ARMC6: variants seen among roughly 807,000 people sequenced by gnomAD.
ARMC6 encodes the protein armadillo repeat-containing protein 6.
Under a neutral mutation model 49.2 loss-of-function variants are expected in ARMC6, and 43 were observed. That is an observed-to-expected ratio of 0.87 (90% CI 0.69 to 1.13). The LOEUF (loss-of-function observed/expected upper bound fraction) is 1.13, where lower values mean the gene tolerates loss of function less well. Ranked by LOEUF, ARMC6 falls within the 50% of genes most tolerant of loss-of-function variation. The pLI is 0.00. For missense variants in ARMC6, 627 were observed against 682.0 expected, an observed-to-expected ratio of 0.92 and a Z score of 0.90; for synonymous variants, 262 against 289.6, an observed-to-expected ratio of 0.90 and a Z score of 0.97.
rs910606376 is a variant in ARMC6 at position 19,055,612 on chromosome 19, C to T, written c.1156-179C>T. Reference sequence around the variant, plus strand: ...GCAAAGATCTGACCAGGCCTATTGCCCTTGTCACCCCTAAGAGCTGAGCTG... The same window carrying T: ...GCAAAGATCTGACCAGGCCTATTGCTCTTGTCACCCCTAAGAGCTGAGCTG... On this transcript the variant is annotated intron_variant, in intron 7 of 8. Transcript: ENST00000535612. The surrounding 1 kb of genome is among the most constrained non-coding windows in gnomAD (Gnocchi z 5.7). Among the ~76,000 whole-genome samples the T allele has an allele frequency of 1.3e-5, 2 of 152,166 alleles. No individual in the cohort carries two copies. Among genetic ancestry groups the T allele is most frequent in the East Asian group, 3.9e-4 (2 of 5,192 alleles).
chr19:19,042,420 CTCACT>C, intron 2 of ARMC6, among the ~76,000 whole-genome samples: 1 of 151,508 alleles, frequency 6.6e-6, no homozygotes, highest in Non-Finnish European at 1.5e-5. Flanking sequence ...GTGATCATGG[CTCACT>C]GCAGCCTTGA....
chr19:19,037,568 C>A, intron 2 of ARMC6: 2 of 967,794 alleles, frequency 2.1e-6, no homozygotes, highest in Non-Finnish European at 2.9e-6. Flanking sequence ...AGTTTCGCCA[C>A]GTGTCCAGGC....
intron 2 of ARMC6, 22 bp downstream of exon 2, chr19:19,034,260 CAG>C (rs762395756): frequency 6.3e-6 from 10 of 1,591,582 alleles, no homozygotes; most frequent in African/African-American, 4.0e-5. Flanking sequence ...CAAATAATAA[CAG>C]AGTGATGGGA....
chr19:19,044,009 AT>A lies in ARMC6; in HGVS notation c.216del (p.Ile72MetfsTer2). 3 of 1,614,102 alleles carry A rather than the reference AT, an allele frequency of 1.9e-6. No individual in the cohort carries two copies. Among genetic ancestry groups the A allele is most frequent in the Non-Finnish European group, 2.5e-6 (3 of 1,179,974 alleles). ...CCCAACAGGGGTTGATCTGAGCAAC[AT>A]TGTAAAGACGGCACCTAAAGTCTCT... is the stretch of plus-strand genomic sequence containing the variant. ...FESQGVDLSN[I>X]VKTAPKVSAD... is the part of the protein sequence containing the mutation. On this transcript the variant is annotated frameshift_variant, in exon 4 of 9. Transcript: ENST00000535612. LOFTEE classifies it high-confidence loss of function.
At chr19:19,045,912 A>G (rs1487473207) in intron 4 of ARMC6, among the ~76,000 whole-genome samples, 1 of 152,126 alleles carries the variant, frequency 6.6e-6, no homozygotes, top group Non-Finnish European at 1.5e-5. Context: ...CGGACTCTCA[A>G]AGTGCTGGGA....
At position 19,045,490 on chromosome 19, in the gene ARMC6, A is replaced by ATTTTTTTTTTTTTTTTT. The variant is rs1355279150; in HGVS notation, c.279+1418_279+1419insTTTTTTTTTTTTTTTTT. On this transcript the variant is annotated intron_variant, in intron 4 of 8. Coordinates refer to ENST00000535612, the MANE Select transcript of ARMC6 (RefSeq NM_001199196.2). ...TCTTAAGTGCTCAGCATTATGCTAA[A>ATTTTTTTTTTTTTTTTT]TTCTTTTTTTTTTTGAGACAAGAGT... Among the ~76,000 whole-genome samples, 22 of 28,196 alleles carry ATTTTTTTTTTTTTTTTT rather than the reference A, an allele frequency of 7.8e-4. 2 individuals carry two copies. Among genetic ancestry groups the ATTTTTTTTTTTTTTTTT allele is most frequent in the African/African-American group, 1.5e-3 (11 of 7,202 alleles). The allele number at this position is 28,196 out of a possible 152,430, so 18.5% of individuals were successfully genotyped here. A position where few individuals can be genotyped will look rare whatever the true frequency, so the allele number is the denominator to read the frequency against.
In ARMC6 at chr19:19,053,657, G is replaced by A. The variant is rs952720951; in HGVS notation, c.854-495G>A. On this transcript the variant is annotated intron_variant, in intron 5 of 8. Transcript: ENST00000535612. The stretch of plus-strand genomic sequence containing the variant: ...AGCCCTGTGTAGGTGCAGGATCTTC[G>A]CCCTCTTGGCGTGAGTGCCGGCACC... Among the ~76,000 whole-genome samples the A allele has an allele frequency of 3.9e-5, 6 of 152,162 alleles. No homozygotes were observed. In the South Asian group the frequency reaches 8.3e-4, roughly 21 times the overall value.
chr19:19,042,982 G>A, intron 3 of ARMC6, 105 bp downstream of exon 3: 1 of 1,375,474 alleles, frequency 7.3e-7, no homozygotes, highest in Non-Finnish European at 9.6e-7. Flanking sequence ...GCCTGGCATA[G>A]AAACCAGGTG....
chr19:19,035,010 C>T (rs1185975650), intron 2 of ARMC6, among the ~76,000 whole-genome samples: 5 of 152,120 alleles, frequency 3.3e-5, no homozygotes, highest in African/African-American at 4.8e-5. Flanking sequence ...TACAGGCACC[C>T]GCCACCACGC....
At position 19,055,267 on chromosome 19, in the gene ARMC6, G is replaced by A; in HGVS notation, c.1026G>A (p.Glu342=). The change falls in exon 7 of 9, where the codon GAG becomes GAA. Residue 342 remains glutamate (E), a splice_region_variant and synonymous_variant. Coordinates refer to ENST00000535612, the MANE Select transcript of ARMC6 (RefSeq NM_001199196.2). This position sits in a 1 kb window ranked among gnomAD's most constrained non-coding sequence, Gnocchi z 5.7. ...GAGCGGGCCTTTCCCTTGTGCAGGAGCTCGTGAAGCAAGTGCTGAGCACCC... is the reference window on the plus strand; with the variant it reads ...GAGCGGGCCTTTCCCTTGTGCAGGAACTCGTGAAGCAAGTGCTGAGCACCC... ...HQMRDQSGVQ[E]LVKQVLSTLR... 1 of 1,596,744 alleles carries A rather than the reference G, an allele frequency of 6.3e-7. No homozygotes were observed. Among genetic ancestry groups the A allele is most frequent in the Non-Finnish European group, 8.5e-7 (1 of 1,171,386 alleles).
chr19:19,057,969 AG>A lies in ARMC6; in HGVS notation c.*343del. The A allele has an allele frequency of 2.5e-6, 1 of 404,932 alleles. No homozygotes were observed. The highest frequency in any genetic ancestry group is 4.7e-6 in the Non-Finnish European group (1 of 212,922). The allele number at this position is 404,932 out of a possible 1,614,324, so 25.1% of individuals were successfully genotyped here. On this transcript the variant is annotated 3_prime_UTR_variant, in exon 9 of 9. Transcript: ENST00000535612. ...TGAAATGTGGCAGCCACTGTGGGCC[AG>A]GCTCAGGGCAGGGCAGGCGATTCCA...
intron 2 of ARMC6, among the ~76,000 whole-genome samples, chr19:19,039,806 T>C (rs1266861469): frequency 6.6e-6 from 1 of 152,168 alleles, no homozygotes; most frequent in African/African-American, 2.4e-5. Context: ...TCCGTCTCCT[T>C]TTCTTTGTTC....
In ARMC6 at chr19:19,057,453, A is replaced by C; in HGVS notation, c.1331A>C (p.His444Pro). 6.2e-7 allele frequency: 1 copy of C among 1,613,848 alleles called. No homozygotes were observed. Among genetic ancestry groups the C allele is most frequent in the Non-Finnish European group, 8.5e-7 (1 of 1,180,004 alleles). The change falls in exon 9 of 9, where the codon CAC becomes CCC. Residue 444 changes from histidine to proline, a missense_variant. By Grantham distance (77) the His-to-Pro change is moderately conservative. Transcript: ENST00000535612. ...ATGCTGATCCGAAACCTGGTGGCCCACGGCCAGGCCTTCTCGAAGCCCATC... is the reference window on the plus strand; with the variant it reads ...ATGCTGATCCGAAACCTGGTGGCCCCCGGCCAGGCCTTCTCGAAGCCCATC... ...ACMLIRNLVAHGQAFSKPILD... is the reference protein window; with the variant it reads ...ACMLIRNLVAPGQAFSKPILD...
In ARMC6 at chr19:19,055,387, C is replaced by T. The variant is rs1221855739; in HGVS notation, c.1146C>T (p.Thr382=). Residue 382 remains threonine (T), a synonymous_variant, in exon 7 of 9, where the codon ACC becomes ACT. Transcript: ENST00000535612. The surrounding 1 kb of genome is among the most constrained non-coding windows in gnomAD (Gnocchi z 5.7). The part of the protein sequence containing the change: ...SIVAAMTQHL[T]SPQVCEQSCA... ...TGGCTGCTATGACCCAGCATCTGAC[C>T]AGCCCCCAGGTACCCACCTCGGGGG... 1.2e-6 allele frequency: 2 copies of T among 1,606,622 alleles called. No individual in the cohort carries two copies. The highest frequency in any genetic ancestry group is 1.7e-5 in the Admixed American group (1 of 58,504).
chr19:19,042,676 C>T, intron 2 of ARMC6, 35 bp from the exon 3 acceptor site: 1 of 1,607,764 alleles, frequency 6.2e-7, no homozygotes, highest in Non-Finnish European at 8.5e-7. Flanking sequence ...CCTGCTCACC[C>T]TTGAGGTAGC....
chr19:19,055,139 T>TA lies in ARMC6; in HGVS notation c.1024-125dup. 7.9e-7 allele frequency: 1 copy of TA among 1,262,872 alleles called. No individual in the cohort carries two copies. The highest frequency in any genetic ancestry group is 2.7e-5 in the East Asian group (1 of 37,332). The allele number at this position is 1,262,872 out of a possible 1,614,324, so 78.2% of individuals were successfully genotyped here. A position where few individuals can be genotyped will look rare whatever the true frequency, so the allele number is the denominator to read the frequency against. ...ACAGGCATCTGCCACCCCTTCTCGT[T>TA]AGTCACACCCTGCAGTCACACCATA... On this transcript the variant is annotated intron_variant, in intron 6 of 8. Transcript: ENST00000535612. This position sits in a 1 kb window ranked among gnomAD's most constrained non-coding sequence, Gnocchi z 5.7.
Position 19,057,826 on chromosome 19 carries a change from G to A in ARMC6, c.*198G>A, listed in dbSNP as rs1011866001. On this transcript the variant is annotated 3_prime_UTR_variant, in exon 9 of 9. Transcript: ENST00000535612. Reference sequence around the variant, plus strand: ...CTACACAGAAGAAAGCAGCCCCCATGTCCCAGCCACTTCTGGGTCCCAGCC... The same window carrying A: ...CTACACAGAAGAAAGCAGCCCCCATATCCCAGCCACTTCTGGGTCCCAGCC... 9 of 746,760 alleles carry A rather than the reference G, an allele frequency of 1.2e-5. No individual in the cohort carries two copies. In the Admixed American group the frequency reaches 1.4e-4, roughly 12 times the overall value. The allele number at this position is 746,760 out of a possible 1,614,324, so 46.3% of individuals were successfully genotyped here.
At chr19:19,037,791 C>T in intron 2 of ARMC6, 2 of 716,078 alleles carry the variant, frequency 2.8e-6, no homozygotes, top group Non-Finnish European at 1.9e-6. Flanking sequence ...TCCTTTTGTT[C>T]CAAAGGGACG....
chr19:19,046,595 T>C (rs1331637642), intron 4 of ARMC6, among the ~76,000 whole-genome samples: 1 of 151,984 alleles, frequency 6.6e-6, no homozygotes, highest in East Asian at 1.9e-4. Flanking sequence ...CCCAGGTTCA[T>C]GCAATTTTCC....
Sources: gnomAD v4.1 joint callset for allele counts (sites outside exome capture counted in the v4.1 genomes callset) on GRCh38, gnomAD v4.1.1 for gene constraint, Gnocchi (gnomAD v3.1) non-coding constraint, MANE v1.5 for transcripts, NCBI Gene and HGNC (gene_info 2026-07-23, HGNC 2026-07-21) for gene names.